Variants in WARS2 observed in about 807,000 individuals in gnomAD.
The protein encoded by WARS2 is tryptophanyl tRNA synthetase 2, mitochondrial.
WARS2 carries 28 observed loss-of-function variants against 36.5 expected under a neutral mutation model. That is an observed-to-expected ratio of 0.77 (90% CI 0.57 to 1.05). The LOEUF (loss-of-function observed/expected upper bound fraction) is 1.05, where lower values mean the gene tolerates loss of function less well. Ranked by LOEUF, WARS2 falls within the 50% of genes least tolerant of loss-of-function variation. The probability of loss-of-function intolerance (pLI) is 0.00; values close to 1 mark genes in which losing one functional copy is unlikely to be tolerated. For missense variants in WARS2, 435 were observed against 456.8 expected (o/e 0.95, Z 0.44); for synonymous variants, 174 against 178.4 (o/e 0.98, Z 0.20).
chr1:119,085,079 T>C, intron 1 of WARS2: 1 of 752,742 alleles, frequency 1.3e-6, no homozygotes. Context: ...GGGATTTATC[T>C]CAGCTCCTAC....
intron 2 of WARS2, among the ~76,000 whole-genome samples, chr1:119,059,197 A>G (rs201984483): frequency 1.3e-5 from 2 of 151,920 alleles, no homozygotes; most frequent in African/African-American, 2.4e-5. Flanking sequence ...TGTAGATTCT[A>G]GATATTAGCC....
intron 1 of WARS2, among the ~76,000 whole-genome samples, chr1:119,130,067 T>C (rs1337844389): frequency 1.3e-5 from 2 of 151,746 alleles, no homozygotes; most frequent in African/African-American, 4.8e-5. Context: ...ATGCAGGGCA[T>C]ACCAAGATCT....
Position 119,032,628 on chromosome 1 carries a change from C to T in WARS2, c.*283G>A. The T allele has an allele frequency of 2.4e-6, 1 of 422,514 alleles. No homozygotes were observed. The highest frequency in any genetic ancestry group is 4.2e-6 in the Non-Finnish European group (1 of 236,466). The allele number at this position is 422,514 out of a possible 1,614,324, so 26.2% of individuals were successfully genotyped here. On this transcript the variant is annotated 3_prime_UTR_variant, in exon 6 of 6. Transcript: ENST00000235521. ...CCCAAATTACTCCTTACTTCAATCA[C>T]ATTTCTGCAGGCCAAGGAGTGTGCC... is the stretch of plus-strand genomic sequence containing the variant.
In WARS2 at chr1:119,083,154, G is replaced by A. The variant is rs112332093; in HGVS notation, c.91-6547C>T. 1.5e-3 allele frequency among the ~76,000 whole-genome samples: 228 copies of A among 152,224 alleles called. 3 individuals carry two copies. Among genetic ancestry groups the A allele is most frequent in the African/African-American group, 4.8e-3 (199 of 41,566 alleles). On this transcript the variant is annotated intron_variant, in intron 1 of 5. Transcript: ENST00000235521. ...TGAGGCAGGAGAATCACTTGAACCC[G>A]GGAGGCAGAGGTTGCAGTGAGATGA...
chr1:119,128,165 CCTGGGTTCAAG>C (rs1389224333), intron 1 of WARS2, among the ~76,000 whole-genome samples: 1 of 152,088 alleles, frequency 6.6e-6, no homozygotes, highest in Non-Finnish European at 1.5e-5. Context: ...ACCTCCGCCT[CCTGGGTTCAAG>C]CTATTATCCT....
At chr1:119,034,908 A>G (rs779876812) in intron 4 of WARS2, among the ~76,000 whole-genome samples, 13 of 152,230 alleles carry the variant, frequency 8.5e-5, no homozygotes, top group Non-Finnish European at 1.0e-4. Flanking sequence ...TATCTGTAAT[A>G]ATAAGTAAAA....
chr1:119,085,539 C>G, intron 1 of WARS2: 1 of 1,610,422 alleles, frequency 6.2e-7, no homozygotes, highest in Non-Finnish European at 8.5e-7. Flanking sequence ...TGAGGGGGTA[C>G]GAGCCCCACA....
At chr1:119,056,814 CTT>C (rs1190172251) in intron 2 of WARS2, among the ~76,000 whole-genome samples, 3 of 151,968 alleles carry the variant, frequency 2.0e-5, no homozygotes, top group Non-Finnish European at 4.4e-5. Flanking sequence ...AATATAAACT[CTT>C]ATGCTTGGCT....
At chr1:119,102,759 C>G (rs1653964428) in intron 1 of WARS2, among the ~76,000 whole-genome samples, 1 of 152,198 alleles carries the variant, frequency 6.6e-6, no homozygotes, top group African/African-American at 2.4e-5. Flanking sequence ...TTCTTACCCA[C>G]AGAATTACTA....
intron 2 of WARS2, among the ~76,000 whole-genome samples, chr1:119,053,656 G>C (rs967519154): frequency 6.6e-6 from 1 of 152,044 alleles, no homozygotes; most frequent in African/African-American, 2.4e-5. Context: ...CTCCATCAAG[G>C]GACCCAATCA....
At chr1:119,049,937 A>G (rs141716972) in intron 2 of WARS2, among the ~76,000 whole-genome samples, 12 of 152,310 alleles carry the variant, frequency 7.9e-5, no homozygotes, top group African/African-American at 2.4e-4. Context: ...CCTACAGTCT[A>G]TTCTTACCAT....
chr1:119,086,229 T>G (rs1001762434), intron 1 of WARS2, among the ~76,000 whole-genome samples: 3 of 152,206 alleles, frequency 2.0e-5, no homozygotes, highest in Non-Finnish European at 4.4e-5. Flanking sequence ...TCATTATCTC[T>G]TGTGGCCAAC....
chr1:119,060,700 G>A (rs1027647154), intron 2 of WARS2, among the ~76,000 whole-genome samples: 1 of 152,148 alleles, frequency 6.6e-6, no homozygotes, highest in African/African-American at 2.4e-5. Context: ...TTTAAAAAAT[G>A]GATAACACGG....
intron 2 of WARS2, among the ~76,000 whole-genome samples, chr1:119,050,306 T>C (rs1649235605): frequency 6.6e-6 from 1 of 152,190 alleles, no homozygotes; most frequent in South Asian, 2.1e-4. Flanking sequence ...CAAGGAGGCT[T>C]ACCCAAACTA....
chr1:119,114,769 A>G (rs1654860288), intron 1 of WARS2, among the ~76,000 whole-genome samples: 1 of 152,236 alleles, frequency 6.6e-6, no homozygotes, highest in Non-Finnish European at 1.5e-5. Flanking sequence ...TACCTACTGC[A>G]GAAGCTATAA....
At chr1:119,138,150 A>G (rs1656646070) in intron 1 of WARS2, among the ~76,000 whole-genome samples, 1 of 152,160 alleles carries the variant, frequency 6.6e-6, no homozygotes, top group African/African-American at 2.4e-5. Flanking sequence ...ATTTTTTTCT[A>G]CAAAGGTTAT....
chr1:119,071,713 T>C (rs1651330682), intron 2 of WARS2, among the ~76,000 whole-genome samples: 1 of 152,168 alleles, frequency 6.6e-6, no homozygotes, highest in African/African-American at 2.4e-5. Context: ...CAAAAAAAGT[T>C]AGACGAGAGG....
At chr1:119,093,624 G>A (rs967551268) in intron 1 of WARS2, among the ~76,000 whole-genome samples, 1 of 152,026 alleles carries the variant, frequency 6.6e-6, no homozygotes, top group Admixed American at 6.6e-5. Flanking sequence ...CAGCGGCTAG[G>A]AAGAGACAAG....
intron 1 of WARS2, among the ~76,000 whole-genome samples, chr1:119,112,169 G>T (rs587602676): frequency 6.6e-6 from 1 of 152,012 alleles, no homozygotes; most frequent in African/African-American, 2.4e-5. Flanking sequence ...TGATCTGGCC[G>T]CCTCAGCTTC....
Sources: gnomAD v4.1 joint callset for allele counts (sites outside exome capture counted in the v4.1 genomes callset) on GRCh38, gnomAD v4.1.1 for gene constraint, MANE v1.5 for transcripts, NCBI Gene and HGNC (gene_info 2026-07-23, HGNC 2026-07-21) for gene names.